Variants in IFT52 observed in about 807,000 individuals in gnomAD.
IFT52 encodes the protein intraflagellar transport 52.
IFT52 carries 44 observed loss-of-function variants against 54.4 expected under a neutral mutation model. The ratio of observed to expected loss-of-function variants is 0.81; its 90% CI spans 0.63 to 1.04. The LOEUF is 1.04. Among genes scored for constraint, IFT52 ranks in the 50% least tolerant of loss-of-function variants. The probability of loss-of-function intolerance (pLI) is 0.00; values close to 1 mark genes in which losing one functional copy is unlikely to be tolerated. For missense variants in IFT52, 452 were observed against 523.6 expected (o/e 0.86, Z 1.33); for synonymous variants, 181 against 185.3 (o/e 0.98, Z 0.19).
At chr20:43,595,547 A>G (rs1981883945) in intron 2 of IFT52, among the ~76,000 whole-genome samples, 1 of 151,936 alleles carries the variant, frequency 6.6e-6, no homozygotes, top group Non-Finnish European at 1.5e-5. Context: ...GACTCTGTCT[A>G]AAAAAATAAA....
At chr20:43,638,196 T>G (rs992388416) in intron 12 of IFT52, among the ~76,000 whole-genome samples, 1 of 140,208 alleles carries the variant, frequency 7.1e-6, no homozygotes, top group East Asian at 1.9e-4. Flanking sequence ...AGATTATATT[T>G]TTTTTTTTTT....
chr20:43,647,046 T>A lies in IFT52; in HGVS notation c.*63T>A. 1 of 1,438,198 alleles carries A rather than the reference T, an allele frequency of 7.0e-7. No individual in the cohort carries two copies. Among genetic ancestry groups the A allele is most frequent in the Non-Finnish European group, 9.8e-7 (1 of 1,020,690 alleles). 89.1% of individuals were successfully genotyped at this position (1,438,198 alleles called of 1,614,324 possible). On this transcript the variant is annotated 3_prime_UTR_variant, in exon 14 of 14. Transcript: ENST00000373030. ...CTCTCTTTGTAAACTATTTTCAAATTGTTTTTCAACTCCTTATCAAAATTG... is the reference window on the plus strand; with the variant it reads ...CTCTCTTTGTAAACTATTTTCAAATAGTTTTTCAACTCCTTATCAAAATTG...
At chr20:43,625,244 C>G (rs140806758) in intron 10 of IFT52, among the ~76,000 whole-genome samples, 46 of 152,128 alleles carry the variant, frequency 3.0e-4, no homozygotes, top group African/African-American at 1.1e-3. Context: ...GGCGTGGTGG[C>G]TCACACCTGT....
rs1227918988 is a variant in IFT52, at chr20:43,622,794, AT to A, written c.769-1092del. Among the ~76,000 whole-genome samples, 5 of 146,872 alleles carry A rather than the reference AT, an allele frequency of 3.4e-5. 1 individual carries two copies. The highest frequency in any genetic ancestry group is 6.0e-5 in the Non-Finnish European group (4 of 67,016). On this transcript the variant is annotated intron_variant, in intron 9 of 13. Transcript: ENST00000373030. ...TGTGTGTAAATATAAATATATACAT[AT>A]TTTTATATGTAAATATAAATATATA...
intron 7 of IFT52, among the ~76,000 whole-genome samples, chr20:43,615,325 G>T (rs1004986331): frequency 2.0e-5 from 3 of 152,046 alleles, no homozygotes; most frequent in Admixed American, 2.0e-4. Flanking sequence ...TTATAGGCAT[G>T]AGCCACTGTG....
At chr20:43,601,917 AG>A (rs1428518155) in intron 3 of IFT52, among the ~76,000 whole-genome samples, 2 of 152,158 alleles carry the variant, frequency 1.3e-5, no homozygotes, top group African/African-American at 4.8e-5. Flanking sequence ...ATGTTTACTA[AG>A]GATCTGTTAC....
chr20:43,643,036 G>A (rs1372836689), intron 13 of IFT52, among the ~76,000 whole-genome samples: 1 of 151,934 alleles, frequency 6.6e-6, no homozygotes, highest in African/African-American at 2.4e-5. Flanking sequence ...GCATCATGGT[G>A]CGTGCCTGTA....
intron 12 of IFT52, among the ~76,000 whole-genome samples, chr20:43,638,193 A>T (rs1190262557): frequency 6.8e-6 from 1 of 146,700 alleles, no homozygotes; most frequent in Admixed American, 6.8e-5. Flanking sequence ...AGGAGATTAT[A>T]TTTTTTTTTT....
At chr20:43,600,629 G>T (rs569818536) in intron 3 of IFT52, among the ~76,000 whole-genome samples, 2 of 152,048 alleles carry the variant, frequency 1.3e-5, no homozygotes, top group Non-Finnish European at 2.9e-5. Flanking sequence ...GGGTACCTCC[G>T]AATTCAGTAT....
At chr20:43,614,471 C>T (rs1983703890) in intron 7 of IFT52, among the ~76,000 whole-genome samples, 1 of 151,736 alleles carries the variant, frequency 6.6e-6, no homozygotes, top group African/African-American at 2.4e-5. Flanking sequence ...CCTGACCATC[C>T]TGCCTCGTGG....
At chr20:43,623,771 C>T in intron 9 of IFT52, 120 bp from the exon 10 acceptor site, 1 of 1,127,722 alleles carries the variant, frequency 8.9e-7, no homozygotes, top group Non-Finnish European at 1.3e-6. Context: ...TGATCATGAA[C>T]AGTAAAATTT....
chr20:43,629,792 A>G (rs371352031), intron 10 of IFT52, among the ~76,000 whole-genome samples: 34 of 152,312 alleles, frequency 2.2e-4, no homozygotes, highest in African/African-American at 8.2e-4. Flanking sequence ...CCTTCCTTCA[A>G]TATTAATAAC....
chr20:43,614,102 A>G (rs1018582395), intron 7 of IFT52, 126 bp downstream of exon 7: 85 of 811,356 alleles, frequency 1.0e-4, no homozygotes, highest in Non-Finnish European at 1.6e-4. Flanking sequence ...CCTGCAAAGT[A>G]GCATTTCAGC....
chr20:43,627,402 C>A (rs371921464), intron 10 of IFT52, among the ~76,000 whole-genome samples: 5 of 152,152 alleles, frequency 3.3e-5, no homozygotes, highest in East Asian at 3.9e-4. Context: ...GTGATCTAGA[C>A]AGGGTCTTCT....
chr20:43,634,473 T>G (rs6065637), intron 10 of IFT52, among the ~76,000 whole-genome samples: 116,885 of 152,066 alleles, frequency 0.77, 45,158 homozygotes, highest in East Asian at 0.8. Flanking sequence ...TAGACTAACT[T>G]CCATGAAATT....
chr20:43,604,190 G>A lies in IFT52; in HGVS notation c.345G>A (p.Val115=), dbSNP rs773423798. 10 of 1,604,946 alleles carry A rather than the reference G, an allele frequency of 6.2e-6. No individual in the cohort carries two copies. In the Admixed American group the frequency reaches 6.7e-5, roughly 11 times the overall value. The change falls in exon 5 of 14, where the codon GTG becomes GTA. Residue 115 remains valine (V), a synonymous_variant. Coordinates refer to ENST00000373030, the MANE Select transcript of IFT52 (RefSeq NM_016004.5). ...TCTCTTTTTCCCTCATAGATGCTGT[G>A]GTTAGAAATGTATATCACAAATATT... is the stretch of plus-strand genomic sequence containing the variant. ...EYGIMVNNDA[V]VRNVYHKYFH...
chr20:43,598,104 A>G (rs930194750), intron 3 of IFT52, among the ~76,000 whole-genome samples: 2 of 152,192 alleles, frequency 1.3e-5, no homozygotes, highest in Non-Finnish European at 2.9e-5. Context: ...ATATTATTCA[A>G]TCTTAAATAG....
chr20:43,637,109 C>T, intron 11 of IFT52, 36 bp from the exon 12 acceptor site: 1 of 1,371,464 alleles, frequency 7.3e-7, no homozygotes, highest in Non-Finnish European at 1.0e-6. Context: ...ACCTTATCCT[C>T]CCTCATTTCT....
chr20:43,615,162 C>T (rs1983762603), intron 7 of IFT52, among the ~76,000 whole-genome samples: 1 of 151,942 alleles, frequency 6.6e-6, no homozygotes, highest in Admixed American at 6.6e-5. Flanking sequence ...CCCGCCTCAG[C>T]CTTCCAAGTA....
Sources: allele counts gnomAD v4.1 joint callset (sites outside exome capture counted in the v4.1 genomes callset), GRCh38; gene constraint gnomAD v4.1.1; transcripts MANE v1.5; gene names NCBI Gene and HGNC (gene_info 2026-07-23, HGNC 2026-07-21).